Variants in JARID2 observed in about 807,000 individuals in gnomAD.
JARID2 encodes the protein protein Jumonji.
In JARID2, 21 loss-of-function variants were observed where a neutral mutation model predicts 125.6. The observed-to-expected ratio is 0.17, with a 90% CI of 0.12 to 0.24. The LOEUF is 0.24. Among genes scored for constraint, JARID2 ranks in the 10% least tolerant of loss-of-function variants. JARID2 has a pLI of 1.00. For missense variants in JARID2, 1,303 were observed against 1,639.6 expected (o/e 0.79, Z 3.55); for synonymous variants, 736 against 661.6 (o/e 1.11, Z -1.73).
At chr6:15,512,105 T>C (rs755214381) in intron 13 of JARID2, 103 bp from the exon 14 acceptor site, 372 of 911,064 alleles carry the variant, frequency 4.1e-4, no homozygotes, top group Non-Finnish European at 5.7e-4. Flanking sequence ...AACAATCTTA[T>C]CTCCTTGAGA....
chr6:15,456,753 G>T (rs936144048), intron 4 of JARID2, among the ~76,000 whole-genome samples: 4 of 151,952 alleles, frequency 2.6e-5, no homozygotes, highest in African/African-American at 7.3e-5. Flanking sequence ...CATCAAGATA[G>T]GTAGTTTCTT....
At chr6:15,437,561 A>G (rs554437052) in intron 3 of JARID2, among the ~76,000 whole-genome samples, 4 of 152,290 alleles carry the variant, frequency 2.6e-5, no homozygotes, top group Admixed American at 1.3e-4. Context: ...TTTTAAAAAG[A>G]GGAACTTTTT....
chr6:15,304,472 A>C (rs557312202), intron 1 of JARID2, among the ~76,000 whole-genome samples: 1 of 152,078 alleles, frequency 6.6e-6, no homozygotes, highest in Non-Finnish European at 1.5e-5. Flanking sequence ...CAGACACCAG[A>C]GAGCAGCCAG....
intron 1 of JARID2, among the ~76,000 whole-genome samples, chr6:15,328,446 T>C (rs116636262): frequency 1.8e-3 from 276 of 152,342 alleles, no homozygotes; most frequent in African/African-American, 6.1e-3. Context: ...CTGTAGTTAC[T>C]TGAAATGCTG....
chr6:15,353,663 A>G (rs1300358337), intron 1 of JARID2, among the ~76,000 whole-genome samples: 2 of 152,084 alleles, frequency 1.3e-5, no homozygotes, highest in Non-Finnish European at 2.9e-5. Context: ...GTTTCTCTTT[A>G]TTGAGAACTC....
intron 1 of JARID2, among the ~76,000 whole-genome samples, chr6:15,362,619 T>A (rs1763838201): frequency 6.6e-6 from 1 of 152,144 alleles, no homozygotes; most frequent in Non-Finnish European, 1.5e-5. Flanking sequence ...TGATGATAGG[T>A]CTTTATGGGC....
At chr6:15,414,803 T>TGA (rs1766058995) in intron 3 of JARID2, among the ~76,000 whole-genome samples, 1 of 152,100 alleles carries the variant, frequency 6.6e-6, no homozygotes, top group Non-Finnish European at 1.5e-5. Flanking sequence ...GTTTATAACA[T>TGA]ATATTTTTTT....
intron 5 of JARID2, among the ~76,000 whole-genome samples, chr6:15,473,684 C>T (rs1347397192): frequency 6.6e-6 from 1 of 151,928 alleles, no homozygotes; most frequent in Non-Finnish European, 1.5e-5. Flanking sequence ...ATCCGAGTAC[C>T]AAGTCTTTTG....
intron 1 of JARID2, among the ~76,000 whole-genome samples, chr6:15,254,303 G>C (rs1759570303): frequency 6.6e-6 from 1 of 152,146 alleles, no homozygotes; most frequent in South Asian, 2.1e-4. Flanking sequence ...CAGTTCTCCA[G>C]ACTTGCAGGA....
chr6:15,301,491 T>C (rs1354733893), intron 1 of JARID2, among the ~76,000 whole-genome samples: 1 of 152,230 alleles, frequency 6.6e-6, no homozygotes, highest in Non-Finnish European at 1.5e-5. Context: ...GTTTATTTAT[T>C]GACTGTGGAG....
intron 1 of JARID2, among the ~76,000 whole-genome samples, chr6:15,257,005 T>C (rs1480572906): frequency 6.6e-6 from 1 of 152,194 alleles, no homozygotes; most frequent in African/African-American, 2.4e-5. Context: ...GCTATAATTT[T>C]ATAGTTGAGA....
rs372890344 is a variant in JARID2, at chr6:15,496,822, G to T, written c.1597G>T (p.Val533Leu). The change falls in exon 7 of 18, where the codon GTG (valine) becomes TTG (leucine). Residue 533 changes from valine (V) to leucine (L), a missense_variant. This residue lies in a region of JARID2 where 651 missense variants were observed against 581.6 expected (regional missense o/e 1.12). Transcript: ENST00000341776. ...TCGTTCTACCTCGCAACCGGAGTCC[G>T]TGCACAAGCCGCAGGACTCGGGCAA... ...ENRSTSQPES[V>L]HKPQDSGKAE... The T allele has an allele frequency of 2.5e-6, 4 of 1,602,786 alleles. No homozygotes were observed. Among genetic ancestry groups the T allele is most frequent in the Non-Finnish European group, 3.4e-6 (4 of 1,173,654 alleles).
chr6:15,278,730 T>C (rs976369698), intron 1 of JARID2, among the ~76,000 whole-genome samples: 7 of 152,146 alleles, frequency 4.6e-5, no homozygotes, highest in African/African-American at 1.2e-4. Flanking sequence ...ATATCTGCCA[T>C]ACCTGCTGCG....
chr6:15,285,367 C>T lies in JARID2; in HGVS notation c.45+38783C>T, dbSNP rs557695010. 5.9e-5 allele frequency among the ~76,000 whole-genome samples: 9 copies of T among 152,152 alleles called. No homozygotes were observed. The South Asian group carries it at 6.2e-4, about 11-fold the overall frequency. On this transcript the variant is annotated intron_variant, in intron 1 of 17. Transcript: ENST00000341776. ...CTCCAACTGCTAACCTCAGGTGATCCGCCTGCCTCGGCCTCCTAAAGTGCT... is the reference window on the plus strand; with the variant it reads ...CTCCAACTGCTAACCTCAGGTGATCTGCCTGCCTCGGCCTCCTAAAGTGCT...
At chr6:15,322,925 G>C (rs997054858) in intron 1 of JARID2, among the ~76,000 whole-genome samples, 1 of 152,170 alleles carries the variant, frequency 6.6e-6, no homozygotes, top group Non-Finnish European at 1.5e-5. Context: ...AAACATAACA[G>C]CATACTCTTA....
chr6:15,382,148 A>G (rs1764613901), intron 2 of JARID2, among the ~76,000 whole-genome samples: 1 of 152,268 alleles, frequency 6.6e-6, no homozygotes, highest in Admixed American at 6.5e-5. Flanking sequence ...CTGTACTCCC[A>G]GCTACTCAGG....
At chr6:15,356,175 G>A (rs537103251) in intron 1 of JARID2, among the ~76,000 whole-genome samples, 1 of 152,256 alleles carries the variant, frequency 6.6e-6, no homozygotes, top group South Asian at 2.1e-4. Flanking sequence ...CCTATTGTAA[G>A]TATATGCCAT....
chr6:15,358,381 T>G (rs889378052), intron 1 of JARID2, among the ~76,000 whole-genome samples: 9 of 152,342 alleles, frequency 5.9e-5, no homozygotes, highest in Admixed American at 1.3e-4. Flanking sequence ...CTGCTATTAT[T>G]AAATAAATGA....
At chr6:15,482,855 C>T (rs964783407) in intron 5 of JARID2, among the ~76,000 whole-genome samples, 3 of 152,190 alleles carry the variant, frequency 2.0e-5, no homozygotes, top group African/African-American at 7.2e-5. Flanking sequence ...GACCTTTAAC[C>T]CATGCACTGT....
Sources: allele counts gnomAD v4.1 joint callset (sites outside exome capture counted in the v4.1 genomes callset), GRCh38; gene constraint gnomAD v4.1.1; regional missense constraint gnomAD v4.1.1; transcripts MANE v1.5; gene names NCBI Gene and HGNC (gene_info 2026-07-23, HGNC 2026-07-21).